The following AXDND1 variants were observed in gnomAD, a reference collection of about 807,000 sequenced individuals.
AXDND1 encodes axonemal dynein light chain domain containing 1.
Under a neutral mutation model 137.5 loss-of-function variants are expected in AXDND1, and 110 were observed. The observed-to-expected ratio is 0.80, with a 90% CI of 0.69 to 0.94. The LOEUF is 0.94. AXDND1 is among the 40% of genes least tolerant of loss of function. The pLI is 0.00. For synonymous variants in AXDND1, 414 were observed against 399.7 expected, an observed-to-expected ratio of 1.04 and a Z score of -0.43; for missense variants, 1,191 against 1,169.8, an observed-to-expected ratio of 1.02 and a Z score of -0.26.
chr1:179,366,619 G>T lies in AXDND1; in HGVS notation c.97+13G>T. Reference sequence around the variant, plus strand: ...GAAGGGACAAGAGGTAAACTTCGTTGATTCTGAAGTCATAAACAGTCATGG... The same window carrying T: ...GAAGGGACAAGAGGTAAACTTCGTTTATTCTGAAGTCATAAACAGTCATGG... On this transcript the variant is annotated intron_variant, in intron 2 of 25. Coordinates refer to ENST00000367618, the MANE Select transcript of AXDND1 (RefSeq NM_144696.6). 1.3e-6 allele frequency: 2 copies of T among 1,586,226 alleles called. No individual in the cohort carries two copies. Among genetic ancestry groups the T allele is most frequent in the South Asian group, 1.1e-5 (1 of 90,438 alleles).
At chr1:179,366,676 G>T (rs1401227689) in intron 2 of AXDND1, 70 bp downstream of exon 2, 37 of 1,348,688 alleles carry the variant, frequency 2.7e-5, no homozygotes, top group Non-Finnish European at 3.9e-5. Context: ...CCATTCACCG[G>T]TTTTTTAAAT....
intron 18 of AXDND1, among the ~76,000 whole-genome samples, chr1:179,488,634 C>CTTTTCTTTCTTTCTTTCTTTTTCTTT (rs376189496): frequency 2.9e-5 from 3 of 105,172 alleles, no homozygotes; most frequent in African/African-American, 1.2e-4. Flanking sequence ...CTCTCTCTCT[C>CTTTTCTTTCTTTCTTTCTTTTTCTTT]CTTTCTTTCT....
chr1:179,554,403 A>G, intron 25 of AXDND1, 109 bp from the exon 26 acceptor site: 8 of 1,586,368 alleles, frequency 5.0e-6, no homozygotes, highest in Admixed American at 1.7e-5. Flanking sequence ...TAATTTTTCA[A>G]ATGAAAAATT....
chr1:179,485,580 T>C (rs1238329961), intron 18 of AXDND1, among the ~76,000 whole-genome samples: 1 of 152,054 alleles, frequency 6.6e-6, no homozygotes, highest in Non-Finnish European at 1.5e-5. Context: ...GAACATCAGC[T>C]CACAAAGATT....
rs1558222697 is a variant in AXDND1 at position 179,466,276 on chromosome 1, C to CT, written c.1799-2165dup. ...TCCTCTTTTCTTTTCTTTCTTTCTT[C>CT]TTCTTCTTCTTTTTTTTTTTTTTTT... On this transcript the variant is annotated intron_variant, in intron 16 of 25. Transcript: ENST00000367618. Among the ~76,000 whole-genome samples the CT allele has an allele frequency of 4.6e-4, 56 of 121,394 alleles. 1 individual carries two copies. Among genetic ancestry groups the CT allele is most frequent in the Non-Finnish European group, 7.0e-4 (40 of 57,464 alleles). 79.6% of individuals were successfully genotyped at this position (121,394 alleles called of 152,430 possible).
At chr1:179,464,657 G>A (rs559509374) in intron 16 of AXDND1, among the ~76,000 whole-genome samples, 1 of 152,044 alleles carries the variant, frequency 6.6e-6, no homozygotes, top group Non-Finnish European at 1.5e-5. Flanking sequence ...TTTGAATGTT[G>A]GCCTGCCTTG....
intron 11 of AXDND1, among the ~76,000 whole-genome samples, chr1:179,400,133 AG>A (rs1176998506): frequency 2.0e-5 from 3 of 152,238 alleles, no homozygotes; most frequent in Non-Finnish European, 4.4e-5. Context: ...GCATGTTCAT[AG>A]TGGCACAATT....
intron 15 of AXDND1, among the ~76,000 whole-genome samples, chr1:179,444,053 ATTTT>A (rs68061206): frequency 7.7e-4 from 112 of 146,046 alleles, no homozygotes; most frequent in African/African-American, 1.9e-3. Context: ...AGTTTAGTGA[ATTTT>A]TTTTTTTTTT....
chr1:179,472,767 C>CTTTAGTAAGTAA (rs1664121183), intron 17 of AXDND1, among the ~76,000 whole-genome samples: 1 of 152,074 alleles, frequency 6.6e-6, no homozygotes, highest in African/African-American at 2.4e-5. Context: ...TTTTTAGTAA[C>CTTTAGTAAGTAA]TTTTTAAATT....
chr1:179,390,550 G>A (rs1011179641), intron 9 of AXDND1, among the ~76,000 whole-genome samples: 5 of 152,164 alleles, frequency 3.3e-5, no homozygotes, highest in Admixed American at 3.3e-4. Context: ...GTTAAGTCAT[G>A]CTGTTAGATG....
intron 18 of AXDND1, among the ~76,000 whole-genome samples, chr1:179,485,120 T>A (rs558867458): frequency 6.6e-6 from 1 of 152,280 alleles, no homozygotes; most frequent in East Asian, 1.9e-4. Flanking sequence ...CCCTGCAACA[T>A]GCTGCACTGC....
intron 15 of AXDND1, among the ~76,000 whole-genome samples, chr1:179,438,951 G>A (rs1432069468): frequency 6.6e-6 from 1 of 151,950 alleles, no homozygotes; most frequent in Non-Finnish European, 1.5e-5. Flanking sequence ...GGAAAAGGTG[G>A]GCTAAAGCCT....
intron 20 of AXDND1, among the ~76,000 whole-genome samples, chr1:179,509,044 G>C (rs1211662023): frequency 6.6e-6 from 1 of 152,054 alleles, no homozygotes; most frequent in Non-Finnish European, 1.5e-5. Flanking sequence ...CAATCTTTTT[G>C]TATCTGTTTT....
At chr1:179,487,687 A>G (rs1666234491) in intron 18 of AXDND1, among the ~76,000 whole-genome samples, 1 of 148,500 alleles carries the variant, frequency 6.7e-6, no homozygotes, top group Non-Finnish European at 1.5e-5. Context: ...TAGAATGATA[A>G]TATTCACTTT....
At chr1:179,456,943 AT>A (rs1661495023) in intron 16 of AXDND1, 2 of 1,478,604 alleles carry the variant, frequency 1.4e-6, no homozygotes, top group Non-Finnish European at 1.9e-6. Flanking sequence ...CAATCACTTC[AT>A]TTTTTCCATA....
At position 179,383,502 on chromosome 1, in the gene AXDND1, G is replaced by A; in HGVS notation, c.699G>A (p.Glu233=). ...QLNDVMDTML[E]RAGVENQEYT... The stretch of plus-strand genomic sequence containing the variant: ...ATGATGTGATGGATACTATGCTAGA[G>A]AGGGCTGGTGTGGAAAATCAGGAAT... Residue 233 remains glutamate (E), a synonymous_variant, in exon 8 of 26, where the codon GAG becomes GAA. Transcript: ENST00000367618. 6.2e-7 allele frequency: 1 copy of A among 1,614,048 alleles called. No homozygotes were observed. The highest frequency in any genetic ancestry group is 8.5e-7 in the Non-Finnish European group (1 of 1,179,972).
rs1462363201 is a variant in AXDND1 at position 179,457,457 on chromosome 1, G to C, written c.1799-10986G>C. The stretch of plus-strand genomic sequence containing the variant: ...GACTCAGGATTATTTAGAAGATGTA[G>C]TATTTACTTTCCAAACATTTCAAAA... On this transcript the variant is annotated intron_variant, in intron 16 of 25. Transcript: ENST00000367618. 3 of 233,896 alleles carry C rather than the reference G, an allele frequency of 1.3e-5. No individual in the cohort carries two copies. The East Asian group carries it at 2.8e-4, about 22-fold the overall frequency. 14.5% of individuals were successfully genotyped at this position (233,896 alleles called of 1,614,324 possible). A position where few individuals can be genotyped will look rare whatever the true frequency, so the allele number is the denominator to read the frequency against.
intron 25 of AXDND1, chr1:179,535,171 G>A: frequency 1.5e-6 from 1 of 664,514 alleles, no homozygotes; most frequent in Non-Finnish European, 2.4e-6. Context: ...AATTGTGAAT[G>A]AATAAAGTAG....
At chr1:179,537,628 C>T (rs1671682490) in intron 25 of AXDND1, among the ~76,000 whole-genome samples, 1 of 152,204 alleles carries the variant, frequency 6.6e-6, no homozygotes, top group Admixed American at 6.5e-5. Flanking sequence ...CATCAATGTT[C>T]ATCAGGGATA....
Sources: allele counts gnomAD v4.1 joint callset (sites outside exome capture counted in the v4.1 genomes callset), GRCh38; gene constraint gnomAD v4.1.1; transcripts MANE v1.5; gene names NCBI Gene and HGNC (gene_info 2026-07-23, HGNC 2026-07-21).